GNAT3: variants seen among roughly 807,000 people sequenced by gnomAD.
GNAT3 encodes the protein guanine nucleotide-binding protein G(t) subunit alpha-3.
GNAT3 carries 31 observed loss-of-function variants against 37.7 expected under a neutral mutation model. That is an observed-to-expected ratio of 0.82 (90% CI 0.62 to 1.11). The LOEUF (loss-of-function observed/expected upper bound fraction) is 1.11, where lower values mean the gene tolerates loss of function less well. Ranked by LOEUF, GNAT3 falls within the 50% of genes most tolerant of loss-of-function variation. GNAT3 has a pLI of 0.00. For missense variants in GNAT3, 437 were observed against 412.5 expected (o/e 1.06, Z -0.51); for synonymous variants, 138 against 139.8 (o/e 0.99, Z 0.09).
rs1790345658 is a variant in GNAT3, at chr7:80,478,873, T to C, written c.429A>G (p.Ala143=). Residue 143 remains alanine, a synonymous_variant, in exon 4 of 8, where the codon GCA becomes GCG. Transcript: ENST00000398291. ...DPGIQACFER[A]SEYQLNDSAA... The stretch of plus-strand genomic sequence containing the variant: ...CTGAGTCATTGAGCTGATATTCAGA[T>C]GCCCTTTCAAAGCAGGCCTGAATTC... 6.2e-7 allele frequency: 1 copy of C among 1,613,380 alleles called. No homozygotes were observed. The highest frequency in any genetic ancestry group is 8.5e-7 in the Non-Finnish European group (1 of 1,179,498).
intron 4 of GNAT3, among the ~76,000 whole-genome samples, chr7:80,475,602 A>C (rs919101146): frequency 2.0e-5 from 3 of 152,116 alleles, no homozygotes; most frequent in Non-Finnish European, 2.9e-5. Context: ...GGTAGAATCC[A>C]GCTGAATGTT....
intron 3 of GNAT3, chr7:80,487,786 G>A (rs1562727736): frequency 6.6e-6 from 1 of 152,152 alleles, no homozygotes; most frequent in African/African-American, 2.4e-5. Context: ...AAGTGGGTGA[G>A]TTCTTCTTGT....
At chr7:80,477,619 T>C (rs1790328332) in intron 4 of GNAT3, among the ~76,000 whole-genome samples, 1 of 152,182 alleles carries the variant, frequency 6.6e-6, no homozygotes, top group African/African-American at 2.4e-5. Context: ...ATTCTGTCCA[T>C]CAATGATTAA....
intron 5 of GNAT3, among the ~76,000 whole-genome samples, chr7:80,465,746 C>T (rs1036936709): frequency 1.3e-5 from 2 of 152,034 alleles, no homozygotes; most frequent in Non-Finnish European, 2.9e-5. Context: ...TCAAACAGGT[C>T]ACTGGGCAAA....
chr7:80,506,873 G>A (rs1790955642), intron 1 of GNAT3, among the ~76,000 whole-genome samples: 1 of 152,042 alleles, frequency 6.6e-6, no homozygotes, highest in Non-Finnish European at 1.5e-5. Context: ...TATTTTTGTG[G>A]TGAGAACACT....
intron 1 of GNAT3, among the ~76,000 whole-genome samples, chr7:80,499,911 A>T (rs1007702262): frequency 1.3e-5 from 2 of 152,182 alleles, no homozygotes; most frequent in Non-Finnish European, 2.9e-5. Flanking sequence ...CCTAGAACAT[A>T]CACTAATATA....
intron 3 of GNAT3, among the ~76,000 whole-genome samples, chr7:80,487,268 T>G (rs1243759525): frequency 2.6e-5 from 4 of 152,208 alleles, no homozygotes; most frequent in East Asian, 1.9e-4. Flanking sequence ...CAGAGAGAGA[T>G]AAAGAATAAA....
Position 80,511,914 on chromosome 7 carries a change from T to C in GNAT3, c.13A>G (p.Ile5Val), listed in dbSNP as rs1166939778. 1 of 1,608,846 alleles carries C rather than the reference T, an allele frequency of 6.2e-7. No individual in the cohort carries two copies. The highest frequency in any genetic ancestry group is 8.5e-7 in the Non-Finnish European group (1 of 1,176,234). The stretch of plus-strand genomic sequence containing the variant: ...GCTGACTCCTTGCTCTCTGAACTAA[T>C]TCCACTTCCCATCTTGTGGTGGTAG... MGSG[I>V]SSESKESAKR... The change falls in exon 1 of 8, where the codon ATT becomes GTT. Residue 5 changes from isoleucine to valine, a missense_variant. Coordinates refer to ENST00000398291, the MANE Select transcript of GNAT3 (RefSeq NM_001102386.3).
At chr7:80,463,936 A>T (rs545165853) in intron 5 of GNAT3, among the ~76,000 whole-genome samples, 1 of 151,390 alleles carries the variant, frequency 6.6e-6, no homozygotes, top group Non-Finnish European at 1.5e-5. Context: ...TTTTGGGAAC[A>T]TAAAGAATAA....
chr7:80,486,400 C>T (rs375063126), intron 3 of GNAT3: 1 of 151,364 alleles, frequency 6.6e-6, no homozygotes, highest in Non-Finnish European at 1.5e-5. Flanking sequence ...ATTTTCACTT[C>T]CCCTATATGT....
intron 5 of GNAT3, among the ~76,000 whole-genome samples, chr7:80,473,482 T>C (rs1266689472): frequency 1.3e-5 from 2 of 151,562 alleles, no homozygotes. Flanking sequence ...TTTAAGATTA[T>C]TCTCATTGTT....
chr7:80,482,217 TA>T (rs1188663824), intron 3 of GNAT3, among the ~76,000 whole-genome samples: 2 of 152,178 alleles, frequency 1.3e-5, no homozygotes, highest in African/African-American at 4.8e-5. Context: ...GATAGATTTT[TA>T]AAACCCCATT....
chr7:80,490,755 A>C (rs541875801), intron 2 of GNAT3, among the ~76,000 whole-genome samples: 1 of 152,326 alleles, frequency 6.6e-6, no homozygotes, highest in Non-Finnish European at 1.5e-5. Flanking sequence ...ATGTCAGCAT[A>C]GATAAATTAA....
At chr7:80,476,273 G>T (rs533181224) in intron 4 of GNAT3, among the ~76,000 whole-genome samples, 1 of 151,204 alleles carries the variant, frequency 6.6e-6, no homozygotes, top group African/African-American at 2.4e-5. Flanking sequence ...ATGGAATGTG[G>T]GAGTTCAAGT....
chr7:80,464,590 G>A (rs1324631983), intron 5 of GNAT3, among the ~76,000 whole-genome samples: 1 of 152,070 alleles, frequency 6.6e-6, no homozygotes, highest in African/African-American at 2.4e-5. Flanking sequence ...TGGGCTTAAT[G>A]AGGAAGAGAT....
chr7:80,499,653 C>A (rs1030453583), intron 1 of GNAT3, among the ~76,000 whole-genome samples: 2 of 152,170 alleles, frequency 1.3e-5, no homozygotes, highest in African/African-American at 4.8e-5. Context: ...TCTTTTGAGC[C>A]AACTTAATTT....
At chr7:80,495,820 C>A (rs1315766032) in intron 1 of GNAT3, among the ~76,000 whole-genome samples, 1 of 152,092 alleles carries the variant, frequency 6.6e-6, no homozygotes, top group East Asian at 1.9e-4. Context: ...TGAACATTTT[C>A]TTACATGATT....
rs1790063356 is a variant in GNAT3, at chr7:80,462,268, A to G, written c.765T>C (p.Asn255=). The change falls in exon 7 of 8, where the codon AAT becomes AAC. Residue 255 remains asparagine, a synonymous_variant. Coordinates refer to ENST00000398291, the MANE Select transcript of GNAT3 (RefSeq NM_001102386.3). ...ESLHLFNSIC[N]HKYFSTTSIV... ...TGGAGGTTGTTGAAAAATACTTGTGATTACAGATACTGTTGAACAGGTGAA... is the reference window on the plus strand; with the variant it reads ...TGGAGGTTGTTGAAAAATACTTGTGGTTACAGATACTGTTGAACAGGTGAA... The G allele has an allele frequency of 6.2e-6, 10 of 1,612,716 alleles. No homozygotes were observed. The South Asian group carries it at 8.8e-5, about 14-fold the overall frequency.
chr7:80,505,964 G>T lies in GNAT3; in HGVS notation c.118+5845C>A, dbSNP rs547698992. The stretch of plus-strand genomic sequence containing the variant: ...CTTTTGCACGAACCTAATAAGTAGG[G>T]AATGGATTCTGAACTTGGGTCTAAT... On this transcript the variant is annotated intron_variant, in intron 1 of 7. Coordinates refer to ENST00000398291, the MANE Select transcript of GNAT3 (RefSeq NM_001102386.3). Among the ~76,000 whole-genome samples, 51 of 152,268 alleles carry T rather than the reference G, an allele frequency of 3.3e-4. No homozygotes were observed. In the South Asian group the frequency reaches 0.01, roughly 31 times the overall value.
Sources: allele counts gnomAD v4.1 joint callset (sites outside exome capture counted in the v4.1 genomes callset), GRCh38; gene constraint gnomAD v4.1.1; transcripts MANE v1.5; gene names NCBI Gene and HGNC (gene_info 2026-07-23, HGNC 2026-07-21).